GRXCR1: variants seen among roughly 807,000 people sequenced by gnomAD.
GRXCR1 encodes the protein glutaredoxin domain-containing cysteine-rich protein 1.
A neutral mutation model predicts 27.3 loss-of-function variants in GRXCR1; 27 were observed. The observed-to-expected ratio is 0.99, with a 90% confidence interval of 0.73 to 1.37. The LOEUF (loss-of-function observed/expected upper bound fraction) is 1.37. GRXCR1 is among the 40% of genes most tolerant of loss of function. GRXCR1 has a pLI of 0.00. For synonymous variants in GRXCR1, 122 were observed against 131.1 expected (o/e 0.93, Z 0.47); for missense variants, 379 against 354.4 (o/e 1.07, Z -0.56).
chr4:42,932,602 A>AC (rs1310566591), intron 1 of GRXCR1, among the ~76,000 whole-genome samples: 1 of 59,148 alleles, frequency 1.7e-5, no homozygotes, highest in Non-Finnish European at 3.2e-5. Context: ...ATATATATAT[A>AC]TATATATATA....
At chr4:42,973,167 C>A (rs1425762134) in intron 2 of GRXCR1, among the ~76,000 whole-genome samples, 2 of 152,084 alleles carry the variant, frequency 1.3e-5, no homozygotes, top group African/African-American at 4.8e-5. Context: ...TGCTAGTTCC[C>A]AGTTCTGTGC....
At chr4:42,934,065 C>T (rs1222497562) in intron 1 of GRXCR1, among the ~76,000 whole-genome samples, 1 of 151,746 alleles carries the variant, frequency 6.6e-6, no homozygotes, top group African/African-American at 2.4e-5. Context: ...TTTTAAATAT[C>T]CAAATGAAGG....
intron 1 of GRXCR1, among the ~76,000 whole-genome samples, chr4:42,932,207 CT>C (rs1747328516): frequency 6.6e-6 from 1 of 151,870 alleles, no homozygotes; most frequent in African/African-American, 2.4e-5. Context: ...AATTTTGTGT[CT>C]TTTGACCAAC....
intron 1 of GRXCR1, among the ~76,000 whole-genome samples, chr4:42,954,341 C>G (rs1389643492): frequency 2.0e-5 from 3 of 152,104 alleles, no homozygotes; most frequent in Non-Finnish European, 2.9e-5. Context: ...CTGTGACAGC[C>G]TCTTCATGGT....
intron 1 of GRXCR1, among the ~76,000 whole-genome samples, chr4:42,913,485 C>T (rs1746809916): frequency 6.6e-6 from 1 of 152,060 alleles, no homozygotes. Flanking sequence ...GAACTTTGAA[C>T]TAAAGAGAAA....
At chr4:43,011,395 T>C (rs1293428098) in intron 2 of GRXCR1, among the ~76,000 whole-genome samples, 2 of 152,062 alleles carry the variant, frequency 1.3e-5, no homozygotes. Context: ...TCTGCTCCCT[T>C]CCTCCTGAGG....
At position 43,026,401 on chromosome 4, in the gene GRXCR1, GA is replaced by G. The variant is rs530025268; in HGVS notation, c.694-3958del. ...ATAATAAATAGCATAAATTGTGCTGGAAGATGTAGCAAGAATGAGATTCCTG... is the reference window on the plus strand; with the variant it reads ...ATAATAAATAGCATAAATTGTGCTGGAGATGTAGCAAGAATGAGATTCCTG... On this transcript the variant is annotated intron_variant, in intron 3 of 3. Coordinates refer to ENST00000399770, the MANE Select transcript of GRXCR1 (RefSeq NM_001080476.3). Among the ~76,000 whole-genome samples, 30 of 152,142 alleles carry G rather than the reference GA, an allele frequency of 2.0e-4. 3 individuals carry two copies. The highest frequency in any genetic ancestry group is 1.7e-3 in the South Asian group (8 of 4,818).
chr4:42,917,023 C>T (rs1010429503), intron 1 of GRXCR1, among the ~76,000 whole-genome samples: 2 of 151,992 alleles, frequency 1.3e-5, no homozygotes, highest in African/African-American at 4.8e-5. Context: ...TGTGTGATTG[C>T]TTAGGGTCAA....
chr4:42,911,555 G>T (rs1234933455), intron 1 of GRXCR1, among the ~76,000 whole-genome samples: 1 of 152,030 alleles, frequency 6.6e-6, no homozygotes, highest in Admixed American at 6.6e-5. Context: ...AGAATTCTGA[G>T]ATTTTCTGGT....
chr4:42,980,085 AT>A (rs1560673271), intron 2 of GRXCR1, among the ~76,000 whole-genome samples: 2 of 150,656 alleles, frequency 1.3e-5, no homozygotes, highest in Non-Finnish European at 1.5e-5. Context: ...TGTTGATTTT[AT>A]TTTTTCAATA....
chr4:42,987,241 A>T (rs968206930), intron 2 of GRXCR1, among the ~76,000 whole-genome samples: 1,178 of 66,362 alleles, frequency 0.018, 15 homozygotes, highest in Non-Finnish European at 0.021. Context: ...ATATATATAT[A>T]ATATATAATA....
At chr4:42,943,838 G>A (rs535635033) in intron 1 of GRXCR1, among the ~76,000 whole-genome samples, 54 of 152,014 alleles carry the variant, frequency 3.6e-4, no homozygotes, top group Non-Finnish European at 7.2e-4. Context: ...TTTACATCTT[G>A]GGGGTTGCCA....
chr4:42,990,605 T>A (rs1316128258), intron 2 of GRXCR1, among the ~76,000 whole-genome samples: 1 of 152,160 alleles, frequency 6.6e-6, no homozygotes, highest in East Asian at 1.9e-4. Flanking sequence ...TTTTCCCTCA[T>A]TGACCTAATA....
At position 42,917,112 on chromosome 4, in the gene GRXCR1, C is replaced by T. The variant is rs973816412; in HGVS notation, c.384+23462C>T. Among the ~76,000 whole-genome samples the T allele has an allele frequency of 9.2e-5, 14 of 152,232 alleles. No homozygotes were observed. In the South Asian group the frequency reaches 2.3e-3, roughly 25 times the overall value. On this transcript the variant is annotated intron_variant, in intron 1 of 3. Coordinates refer to ENST00000399770, the MANE Select transcript of GRXCR1 (RefSeq NM_001080476.3). ...ATATGAAGATGTCTTATGTAATTTG[C>T]TTTTATTCATTGTCTCCAGAGGCTG... is the stretch of plus-strand genomic sequence containing the variant.
At chr4:43,028,569 T>A (rs1343935030) in intron 3 of GRXCR1, among the ~76,000 whole-genome samples, 2 of 152,220 alleles carry the variant, frequency 1.3e-5, no homozygotes, top group Admixed American at 6.5e-5. Flanking sequence ...ATATTTAATG[T>A]CATAGCAATA....
intron 2 of GRXCR1, among the ~76,000 whole-genome samples, chr4:42,983,329 T>A (rs1346898263): frequency 2.1e-5 from 3 of 146,200 alleles, no homozygotes; most frequent in East Asian, 4.0e-4. Context: ...TCCCCATTGC[T>A]TGTTTTTCTC....
At chr4:42,938,091 C>A (rs1281497625) in intron 1 of GRXCR1, among the ~76,000 whole-genome samples, 1 of 151,966 alleles carries the variant, frequency 6.6e-6, no homozygotes, top group Admixed American at 6.6e-5. Flanking sequence ...CTCTTTCCAG[C>A]CACTGGTAAC....
At chr4:42,963,278 A>T in intron 2 of GRXCR1, 144 bp downstream of exon 2, 5 of 909,618 alleles carry the variant, frequency 5.5e-6, no homozygotes, top group Non-Finnish European at 9.0e-6. Context: ...TGGAGCACTT[A>T]TTTCTGTCCC....
At position 42,983,787 on chromosome 4, in the gene GRXCR1, T is replaced by C. The variant is rs563188324; in HGVS notation, c.627+20653T>C. Among the ~76,000 whole-genome samples, 26 of 152,032 alleles carry C rather than the reference T, an allele frequency of 1.7e-4. No individual in the cohort carries two copies. In the East Asian group the frequency reaches 3.5e-3, roughly 20 times the overall value. On this transcript the variant is annotated intron_variant, in intron 2 of 3. Coordinates refer to ENST00000399770, the MANE Select transcript of GRXCR1 (RefSeq NM_001080476.3). ...TTTTATTCTTTTTTCTTTTTTCTCC[T>C]CTAAGTGTATATTTTCAAGTAACCT...
Sources: gnomAD v4.1 joint callset for allele counts (sites outside exome capture counted in the v4.1 genomes callset) on GRCh38, gnomAD v4.1.1 for gene constraint, MANE v1.5 for transcripts, NCBI Gene and HGNC (gene_info 2026-07-23, HGNC 2026-07-21) for gene names.